Variants in COL28A1 observed in about 807,000 individuals in gnomAD.
COL28A1 encodes collagen alpha-1(XXVIII) chain.
In COL28A1, 161 loss-of-function variants were observed where a neutral mutation model predicts 150.2. The ratio of observed to expected loss-of-function variants is 1.07; its 90% CI spans 0.94 to 1.22. COL28A1 has a LOEUF of 1.22. Ranked by LOEUF, COL28A1 falls within the 50% of genes most tolerant of loss-of-function variation. The probability of loss-of-function intolerance (pLI) is 0.00; values close to 1 mark genes in which losing one functional copy is unlikely to be tolerated. For synonymous variants in COL28A1, 552 were observed against 469.7 expected, an observed-to-expected ratio of 1.18 and a Z score of -2.26; for missense variants, 1,617 against 1,388.3, an observed-to-expected ratio of 1.16 and a Z score of -2.62.
chr7:7,400,336 A>G (rs1282293117), intron 27 of COL28A1, among the ~76,000 whole-genome samples: 2 of 152,184 alleles, frequency 1.3e-5, no homozygotes, highest in Non-Finnish European at 2.9e-5. Flanking sequence ...AGGAGAGAAG[A>G]AGGCCAAGCA....
chr7:7,501,496 T>A (rs1780523609), intron 11 of COL28A1, among the ~76,000 whole-genome samples: 1 of 152,014 alleles, frequency 6.6e-6, no homozygotes, highest in Admixed American at 6.5e-5. Flanking sequence ...TGGATTTGCA[T>A]GAGATTTGAG....
At chr7:7,520,559 T>C (rs1186617451) in intron 5 of COL28A1, among the ~76,000 whole-genome samples, 2 of 152,206 alleles carry the variant, frequency 1.3e-5, no homozygotes, top group East Asian at 1.9e-4. Flanking sequence ...GAGGTTCTGA[T>C]ATCCAGGAGA....
chr7:7,477,303 G>T, intron 13 of COL28A1, 123 bp from the exon 14 acceptor site: 1 of 661,322 alleles, frequency 1.5e-6, no homozygotes, highest in Non-Finnish European at 2.7e-6. Context: ...AAAAAAAAAT[G>T]GATAGTTGGA....
intron 18 of COL28A1, among the ~76,000 whole-genome samples, chr7:7,450,397 G>C (rs1018032909): frequency 6.6e-6 from 1 of 151,914 alleles, no homozygotes; most frequent in Non-Finnish European, 1.5e-5. Flanking sequence ...AAATCACAAA[G>C]GGATAGAAAT....
At chr7:7,462,484 C>A (rs908667646) in intron 15 of COL28A1, among the ~76,000 whole-genome samples, 14 of 152,112 alleles carry the variant, frequency 9.2e-5, no homozygotes, top group Admixed American at 7.2e-4. Flanking sequence ...AAAAATGATA[C>A]AAGAAGTGAA....
chr7:7,351,047 G>A, the COL28A1 span, among the ~76,000 whole-genome samples: 1 of 152,142 alleles, frequency 6.6e-6, no homozygotes, highest in Non-Finnish European at 1.5e-5. Context: ...TAATTTCTCA[G>A]TTTTGTTCTA....
Position 7,471,689 on chromosome 7 carries a change from G to T in COL28A1, c.1302+2912C>A, listed in dbSNP as rs532154162. ...GCAGGCAGATCACTTGAGGTCAGAAGTTTGAGACCAGCCTGGTCAACATGA... is the reference window on the plus strand; with the variant it reads ...GCAGGCAGATCACTTGAGGTCAGAATTTTGAGACCAGCCTGGTCAACATGA... On this transcript the variant is annotated intron_variant, in intron 15 of 34. Transcript: ENST00000399429. 4.6e-3 allele frequency among the ~76,000 whole-genome samples: 708 copies of T among 152,284 alleles called. 5 individuals are homozygous for T. Among genetic ancestry groups the T allele is most frequent in the East Asian group, 0.022 (114 of 5,168 alleles).
rs545471093 is a variant in COL28A1, at chr7:7,508,002, G to A, written c.928-841C>T. Among the ~76,000 whole-genome samples, 6 of 152,270 alleles carry A rather than the reference G, an allele frequency of 3.9e-5. No individual in the cohort carries two copies. In the South Asian group the frequency reaches 1.0e-3, roughly 26 times the overall value. On this transcript the variant is annotated intron_variant, in intron 9 of 34. Coordinates refer to ENST00000399429, the MANE Select transcript of COL28A1 (RefSeq NM_001037763.3). ...AATCCCAGCACTTTGGGAGGCCGAG[G>A]CGGGCGGATCACGAGGTCAGGAGAT...
intron 22 of COL28A1, 73 bp from the exon 23 acceptor site, chr7:7,436,536 C>A: frequency 1.2e-6 from 1 of 849,040 alleles, no homozygotes; most frequent in South Asian, 1.3e-5. Flanking sequence ...CAAAAAAAAC[C>A]ATTGGCCACT....
intron 27 of COL28A1, among the ~76,000 whole-genome samples, chr7:7,400,018 A>C (rs1451991439): frequency 6.6e-6 from 1 of 152,220 alleles, no homozygotes; most frequent in Non-Finnish European, 1.5e-5. Flanking sequence ...TTCTGAATGA[A>C]AGGATTCCAT....
intron 5 of COL28A1, 137 bp from the exon 6 acceptor site, chr7:7,520,252 T>C: frequency 1.9e-6 from 1 of 523,634 alleles, no homozygotes; most frequent in Non-Finnish European, 3.3e-6. Flanking sequence ...AGAAATTCAA[T>C]TCTCTTCTCC....
intron 14 of COL28A1, among the ~76,000 whole-genome samples, chr7:7,476,731 A>C (rs190997855): frequency 1.1e-4 from 17 of 152,344 alleles, no homozygotes; most frequent in Admixed American, 3.9e-4. Flanking sequence ...GTACTATTAC[A>C]GATTGGTTTC....
At chr7:7,442,541 T>C (rs756805442) in intron 20 of COL28A1, among the ~76,000 whole-genome samples, 12 of 152,212 alleles carry the variant, frequency 7.9e-5, no homozygotes, top group Non-Finnish European at 4.4e-5. Flanking sequence ...CAAAAATGTT[T>C]AAAAGCCTAC....
chr7:7,526,930 T>C (rs1171146168), intron 3 of COL28A1, among the ~76,000 whole-genome samples: 1 of 152,160 alleles, frequency 6.6e-6, no homozygotes, highest in Non-Finnish European at 1.5e-5. Context: ...CCACCGCACC[T>C]AGCCACAATA....
At chr7:7,361,235 A>G (rs1223531102) in intron 33 of COL28A1, among the ~76,000 whole-genome samples, 2 of 152,246 alleles carry the variant, frequency 1.3e-5, no homozygotes, top group Non-Finnish European at 2.9e-5. Flanking sequence ...AATTTTCTGG[A>G]CTAAAATTTC....
chr7:7,486,381 C>T (rs932896925), intron 13 of COL28A1, among the ~76,000 whole-genome samples: 5 of 152,148 alleles, frequency 3.3e-5, no homozygotes, highest in African/African-American at 1.2e-4. Flanking sequence ...ATCATATCAT[C>T]TGCAAATAAG....
chr7:7,537,822 C>T (rs576031592), upstream of COL28A1, among the ~76,000 whole-genome samples: 22 of 152,044 alleles, frequency 1.4e-4, no homozygotes, highest in African/African-American at 5.3e-4. Context: ...GTGTTAGTCA[C>T]ACTTTTTACT....
At chr7:7,397,728 G>T (rs900764132) in intron 27 of COL28A1, among the ~76,000 whole-genome samples, 1 of 152,178 alleles carries the variant, frequency 6.6e-6, no homozygotes, top group Non-Finnish European at 1.5e-5. Context: ...TATCTTTGAT[G>T]AAATAAGGAA....
intron 11 of COL28A1, among the ~76,000 whole-genome samples, chr7:7,492,075 C>A (rs1472444413): frequency 6.6e-6 from 1 of 152,090 alleles, no homozygotes; most frequent in Non-Finnish European, 1.5e-5. Flanking sequence ...TTTCATTCAA[C>A]CCAAAGGTTT....
Sources: gnomAD v4.1 joint callset for allele counts (sites outside exome capture counted in the v4.1 genomes callset) on GRCh38, gnomAD v4.1.1 for gene constraint, MANE v1.5 for transcripts, NCBI Gene and HGNC (gene_info 2026-07-23, HGNC 2026-07-21) for gene names.